The following SFXN4 variants were observed in gnomAD, a reference collection of about 807,000 sequenced individuals.
The protein encoded by SFXN4 is sideroflexin-4.
SFXN4 carries 48 observed loss-of-function variants against 54.6 expected under a neutral mutation model. That is an observed-to-expected ratio of 0.88 (90% CI 0.70 to 1.12). The LOEUF is 1.12. Among genes scored for constraint, SFXN4 ranks in the 50% most tolerant of loss-of-function variants. The pLI is 0.00. For missense variants in SFXN4, 383 were observed against 409.2 expected (o/e 0.94, Z 0.55); for synonymous variants, 130 against 145.5 (o/e 0.89, Z 0.77).
At chr10:119,149,137 C>G (rs1176163630) in intron 11 of SFXN4, among the ~76,000 whole-genome samples, 1 of 152,110 alleles carries the variant, frequency 6.6e-6, no homozygotes, top group Non-Finnish European at 1.5e-5. Context: ...TCCTCCTACC[C>G]CAGCCTCCTG....
intron 2 of SFXN4, 81 bp from the exon 3 acceptor site, chr10:119,162,495 C>T: frequency 8.6e-7 from 1 of 1,162,118 alleles, no homozygotes. Context: ...CACCAGCTCA[C>T]TCACCAGCAT....
intron 9 of SFXN4, among the ~76,000 whole-genome samples, chr10:119,157,454 G>GA (rs2133609053): frequency 6.7e-6 from 1 of 148,746 alleles, no homozygotes; most frequent in Non-Finnish European, 1.5e-5. Flanking sequence ...AAAGAAAATA[G>GA]AAAAAAATAA....
chr10:119,144,323 G>A (rs1428498253), intron 13 of SFXN4, among the ~76,000 whole-genome samples: 1 of 152,070 alleles, frequency 6.6e-6, no homozygotes, highest in Admixed American at 6.6e-5. Context: ...TGGGTGTGGT[G>A]GCGGGCGCCT....
chr10:119,153,429 A>T (rs1171895362), intron 11 of SFXN4, among the ~76,000 whole-genome samples: 2 of 151,876 alleles, frequency 1.3e-5, no homozygotes, highest in East Asian at 1.9e-4. Context: ...AAGAAAAGAA[A>T]AAGAAAGAAG....
rs999830828 is a variant in SFXN4 at position 119,141,161 on chromosome 10, T to C, written c.*81A>G. 3.0e-6 allele frequency: 3 copies of C among 994,246 alleles called. No individual in the cohort carries two copies. Among genetic ancestry groups the C allele is most frequent in the East Asian group, 2.5e-5 (1 of 40,610 alleles). 61.6% of individuals were successfully genotyped at this position (994,246 alleles called of 1,614,324 possible). A position where few individuals can be genotyped will look rare whatever the true frequency, so the allele number is the denominator to read the frequency against. On this transcript the variant is annotated 3_prime_UTR_variant, in exon 14 of 14. Coordinates refer to ENST00000355697, the MANE Select transcript of SFXN4 (RefSeq NM_213649.2). The stretch of plus-strand genomic sequence containing the variant: ...ACACCTCTGGGGTCCCCAGAAGACC[T>C]GTGGCAAAGTTCTCTAAACCGAACC...
chr10:119,162,952 C>T (rs1050751833), intron 2 of SFXN4, among the ~76,000 whole-genome samples: 5 of 152,152 alleles, frequency 3.3e-5, no homozygotes, highest in African/African-American at 9.6e-5. Context: ...CAACCCACTA[C>T]ACCTGGCTAA....
Position 119,158,015 on chromosome 10 carries a change from T to TA in SFXN4, c.407dup (p.Leu136PhefsTer25), listed in dbSNP as rs766746136. The TA allele has an allele frequency of 4.3e-6, 7 of 1,614,020 alleles. No homozygotes were observed. Among genetic ancestry groups the TA allele is most frequent in the Non-Finnish European group, 5.9e-6 (7 of 1,180,000 alleles). ...AAACAGGAAGAATGGCTACCTGAGG[T>TA]AAAATCACGGACTTGATCCCTTTCA... On this transcript the variant is annotated frameshift_variant, in exon 7 of 14. Transcript: ENST00000355697. LOFTEE classifies it high-confidence loss of function.
Position 119,141,199 on chromosome 10 carries a change from G to C in SFXN4, c.*43C>G. On this transcript the variant is annotated 3_prime_UTR_variant, in exon 14 of 14. Transcript: ENST00000355697. Reference sequence around the variant, plus strand: ...TCTAAACCGAACCTGGAGAGGGGAAGGTTTTCAAGCAGGAACCACATAAAT... The same window carrying C: ...TCTAAACCGAACCTGGAGAGGGGAACGTTTTCAAGCAGGAACCACATAAAT... The C allele has an allele frequency of 1.4e-6, 2 of 1,458,050 alleles. No individual in the cohort carries two copies. Among genetic ancestry groups the C allele is most frequent in the Non-Finnish European group, 1.9e-6 (2 of 1,045,626 alleles). The allele number at this position is 1,458,050 out of a possible 1,614,324, so 90.3% of individuals were successfully genotyped here. A position where few individuals can be genotyped will look rare whatever the true frequency, so the allele number is the denominator to read the frequency against.
chr10:119,161,195 AACAG>A (rs1261681375), intron 3 of SFXN4, 114 bp from the exon 4 acceptor site: 8 of 933,408 alleles, frequency 8.6e-6, no homozygotes, highest in Non-Finnish European at 1.3e-5. Flanking sequence ...CTCACTGCAG[AACAG>A]CCTCGAACTA....
intron 6 of SFXN4, 69 bp downstream of exon 6, chr10:119,159,659 G>A (rs1452260260): frequency 1.6e-5 from 25 of 1,525,126 alleles, no homozygotes; most frequent in Non-Finnish European, 2.0e-5. Flanking sequence ...GGACACAGCT[G>A]AGGTTAGGAG....
At chr10:119,155,318 C>T (rs1313541685) in intron 10 of SFXN4, 141 bp from the exon 11 acceptor site, 3 of 633,372 alleles carry the variant, frequency 4.7e-6, no homozygotes, top group Non-Finnish European at 8.7e-6. Flanking sequence ...GGACACCTGC[C>T]ATAGGCTGGG....
rs1313718887 is a variant in SFXN4, at chr10:119,165,568, G to A, written c.80C>T (p.Pro27Leu). The A allele has an allele frequency of 1.3e-6, 2 of 1,592,168 alleles. No homozygotes were observed. The highest frequency in any genetic ancestry group is 2.4e-5 in the East Asian group (1 of 41,160). Residue 27 changes from proline to leucine, a missense_variant, in exon 1 of 14, where the codon CCC (proline) becomes CTC (leucine). Transcript: ENST00000355697. Reference sequence around the variant, plus strand: ...CTCGGTGATCCAGAAGCGCACGTTGGGCTCAATGAAGGCGGGGACGGCGTC... The same window carrying A: ...CTCGGTGATCCAGAAGCGCACGTTGAGCTCAATGAAGGCGGGGACGGCGTC... ...RRDAVPAFIE[P>L]NVRFWITERQ... is the part of the protein sequence containing the mutation.
At position 119,160,924 on chromosome 10, in the gene SFXN4, G is replaced by A. The variant is rs147648163; in HGVS notation, c.325C>T (p.Arg109Ter). Residue 109 changes from arginine (R) to a stop codon, truncating the protein, a stop_gained, in exon 5 of 14, where the codon CGA becomes TGA. Transcript: ENST00000355697. LOFTEE classifies it high-confidence loss of function. ...ATTAGAACCAACTCACCTGCAGGTC[G>A]AAAAAGCTTGGGGATCAGGTTGCTG... ...DSSNLIPKLF[R>*]PAAFLPFMAP... 5.0e-5 allele frequency: 81 copies of A among 1,613,918 alleles called. No homozygotes were observed. Among genetic ancestry groups the A allele is most frequent in the Non-Finnish European group, 6.7e-5 (79 of 1,179,992 alleles).
chr10:119,153,940 G>A (rs1312822795), intron 11 of SFXN4, among the ~76,000 whole-genome samples: 1 of 152,162 alleles, frequency 6.6e-6, no homozygotes, highest in Non-Finnish European at 1.5e-5. Flanking sequence ...TACGTTGGGA[G>A]GCCGAGGCGG....
intron 6 of SFXN4, among the ~76,000 whole-genome samples, chr10:119,159,284 A>G (rs1847415994): frequency 7.4e-6 from 1 of 135,238 alleles, no homozygotes; most frequent in South Asian, 2.5e-4. Flanking sequence ...TGTCTCGAAA[A>G]ACAAAAAAAA....
intron 13 of SFXN4, among the ~76,000 whole-genome samples, chr10:119,142,139 G>T (rs1040647112): frequency 6.6e-6 from 1 of 152,154 alleles, no homozygotes; most frequent in Non-Finnish European, 1.5e-5. Flanking sequence ...AGTCAAGGCT[G>T]CAGTAAGCCA....
intron 12 of SFXN4, among the ~76,000 whole-genome samples, chr10:119,146,945 T>G (rs771562269): frequency 6.6e-6 from 1 of 152,138 alleles, no homozygotes; most frequent in Non-Finnish European, 1.5e-5. Context: ...GTGGGGGGGA[T>G]GTGCACCCCA....
In SFXN4 at chr10:119,159,752, C is replaced by T. The variant is rs770952989; in HGVS notation, c.336G>A (p.Ala112=). ...CCGTGGGTGCCATGAAAGGCAGGAA[C>T]GCTGGCAGGAAGAGAAGAGAGGAGG... ...NLIPKLFRPA[A]FLPFMAPTVF... Residue 112 remains alanine (A), a splice_region_variant and synonymous_variant, in exon 6 of 14, where the codon GCG becomes GCA. Transcript: ENST00000355697. 33 of 1,613,876 alleles carry T rather than the reference C, an allele frequency of 2.0e-5. No individual in the cohort carries two copies. Among genetic ancestry groups the T allele is most frequent in the South Asian group, 3.3e-5 (3 of 91,084 alleles).
intron 3 of SFXN4, among the ~76,000 whole-genome samples, chr10:119,161,360 C>T (rs1007342378): frequency 2.0e-5 from 3 of 151,402 alleles, no homozygotes; most frequent in African/African-American, 2.4e-5. Context: ...ATCAAGTCAT[C>T]CTCCCAAACC....
Sources: allele counts gnomAD v4.1 joint callset (sites outside exome capture counted in the v4.1 genomes callset), GRCh38; gene constraint gnomAD v4.1.1; transcripts MANE v1.5; gene names NCBI Gene and HGNC (gene_info 2026-07-23, HGNC 2026-07-21).